Variants in HMGB1 observed in about 807,000 individuals in gnomAD.
The protein encoded by HMGB1 is high mobility group protein B1.
For synonymous variants in HMGB1, 81 were observed against 84.0 expected (o/e 0.96, Z 0.19); for missense variants, 79 against 253.5 (o/e 0.31, Z 4.67).
intron 1 of HMGB1, among the ~76,000 whole-genome samples, chr13:30,584,339 T>C (rs1178223990): frequency 6.6e-6 from 1 of 152,218 alleles, no homozygotes; most frequent in Admixed American, 6.5e-5. Flanking sequence ...CCACCCATTA[T>C]ATAATCTTAG....
intron 1 of HMGB1, among the ~76,000 whole-genome samples, chr13:30,519,726 G>A (rs988094359): frequency 6.6e-6 from 1 of 151,608 alleles, no homozygotes; most frequent in African/African-American, 2.4e-5. Context: ...CAACATAGCA[G>A]CTAAAGATGT....
At chr13:30,611,591 C>T (rs946763940) in intron 1 of HMGB1, among the ~76,000 whole-genome samples, 1 of 151,960 alleles carries the variant, frequency 6.6e-6, no homozygotes, top group Non-Finnish European at 1.5e-5. Flanking sequence ...TCATTTTTTC[C>T]TCCATAGCTT....
intron 1 of HMGB1, among the ~76,000 whole-genome samples, chr13:30,530,083 G>T (rs1452929437): frequency 1.3e-5 from 2 of 152,046 alleles, no homozygotes; most frequent in Non-Finnish European, 2.9e-5. Context: ...ACAAATAAAA[G>T]CAATAATAAG....
intron 1 of HMGB1, among the ~76,000 whole-genome samples, chr13:30,599,010 C>G (rs1300782903): frequency 6.6e-6 from 1 of 152,010 alleles, no homozygotes; most frequent in Non-Finnish European, 1.5e-5. Context: ...TGGGGTCTCA[C>G]TATGTTGCCC....
intron 1 of HMGB1, among the ~76,000 whole-genome samples, chr13:30,482,680 A>C (rs759344341): frequency 8.5e-5 from 13 of 152,200 alleles, no homozygotes; most frequent in Non-Finnish European, 1.6e-4. Flanking sequence ...CAACAGTATC[A>C]GAAAGATGCA....
chr13:30,544,107 G>A (rs1869036414), intron 1 of HMGB1, among the ~76,000 whole-genome samples: 1 of 152,202 alleles, frequency 6.6e-6, no homozygotes, highest in South Asian at 2.1e-4. Context: ...CATGTGGGCA[G>A]GTTACCCACC....
intron 1 of HMGB1, among the ~76,000 whole-genome samples, chr13:30,562,516 A>T (rs2137526054): frequency 6.6e-6 from 1 of 151,964 alleles, no homozygotes; most frequent in East Asian, 1.9e-4. Context: ...ATTATATATC[A>T]ACTTACTTTT....
At chr13:30,600,277 TCA>T (rs1274573322) in intron 1 of HMGB1, among the ~76,000 whole-genome samples, 1 of 152,216 alleles carries the variant, frequency 6.6e-6, no homozygotes, top group African/African-American at 2.4e-5. Context: ...ACAGCTCAGA[TCA>T]CAGTCTTAAA....
chr13:30,516,982 T>TA (rs1361463175), intron 1 of HMGB1, among the ~76,000 whole-genome samples: 3 of 151,846 alleles, frequency 2.0e-5, no homozygotes, highest in South Asian at 4.1e-4. Context: ...ACATAAATGC[T>TA]AAAAAAAAGT....
intron 1 of HMGB1, among the ~76,000 whole-genome samples, chr13:30,591,027 CTTTTTTTTTTTTTT>C (rs910554887): frequency 7.3e-5 from 8 of 109,928 alleles, no homozygotes; most frequent in South Asian, 2.9e-4. Flanking sequence ...GAGGCAGGGC[CTTTTTTTTTTTTTT>C]TTTTTTTTTG....
At chr13:30,505,809 T>C (rs1328591376) in intron 1 of HMGB1, among the ~76,000 whole-genome samples, 1 of 152,148 alleles carries the variant, frequency 6.6e-6, no homozygotes, top group Non-Finnish European at 1.5e-5. Flanking sequence ...CCAAGCATGC[T>C]TTTTGGATCC....
intron 1 of HMGB1, among the ~76,000 whole-genome samples, chr13:30,497,670 T>A (rs914683439): frequency 6.6e-6 from 1 of 152,178 alleles, no homozygotes; most frequent in Non-Finnish European, 1.5e-5. Context: ...GTGTACTCAC[T>A]GTTTAGCTCC....
chr13:30,538,451 A>ATTCTTTCTTTCTTTCTTTCTTTCTTTCT (rs760828749), intron 1 of HMGB1, among the ~76,000 whole-genome samples: 10 of 90,684 alleles, frequency 1.1e-4, no homozygotes, highest in East Asian at 3.1e-4. Context: ...AGTACTAGCA[A>ATTCTTTCTTTCTTTCTTTCTTTCTTTCT]TTCTTTCTTT....
chr13:30,591,930 G>A (rs188487959), intron 1 of HMGB1, among the ~76,000 whole-genome samples: 102 of 151,994 alleles, frequency 6.7e-4, no homozygotes, highest in African/African-American at 2.1e-3. Flanking sequence ...TGTGGGTAGC[G>A]CAATAACTAA....
intron 1 of HMGB1, among the ~76,000 whole-genome samples, chr13:30,607,321 G>A (rs1950469505): frequency 1.3e-5 from 2 of 152,320 alleles, no homozygotes; most frequent in South Asian, 4.1e-4. Flanking sequence ...ATCCCCACGT[G>A]TCAAAGGAGA....
At chr13:30,549,152 C>A (rs1869301520) in intron 1 of HMGB1, among the ~76,000 whole-genome samples, 1 of 151,922 alleles carries the variant, frequency 6.6e-6, no homozygotes, top group Admixed American at 6.6e-5. Flanking sequence ...AGAAAAATAG[C>A]TGGTCATGCT....
intron 1 of HMGB1, among the ~76,000 whole-genome samples, chr13:30,603,557 T>C (rs1355506250): frequency 1.3e-5 from 2 of 152,340 alleles, no homozygotes; most frequent in African/African-American, 4.8e-5. Context: ...TTTAGCAACT[T>C]ATCTTTTTAC....
chr13:30,523,738 G>GT (rs1888290273), intron 1 of HMGB1, among the ~76,000 whole-genome samples: 1 of 140,840 alleles, frequency 7.1e-6, no homozygotes, highest in Admixed American at 7.1e-5. Context: ...TTTTTGTTGG[G>GT]CCCTTTTTTT....
At chr13:30,516,636 G>A (rs922951498) in intron 1 of HMGB1, among the ~76,000 whole-genome samples, 1 of 152,112 alleles carries the variant, frequency 6.6e-6, no homozygotes, top group Non-Finnish European at 1.5e-5. Flanking sequence ...ATAGAATCAG[G>A]GCTGGGCATA....
Sources: gnomAD v4.1 joint callset for allele counts (sites outside exome capture counted in the v4.1 genomes callset) on GRCh38, gnomAD v4.1.1 for gene constraint, MANE v1.5 for transcripts, NCBI Gene and HGNC (gene_info 2026-07-23, HGNC 2026-07-21) for gene names.